ADAMTS12: variants seen among roughly 807,000 people sequenced by gnomAD.
The protein encoded by ADAMTS12 is ADAM metallopeptidase with thrombospondin type 1 motif 12.
In ADAMTS12, 118 loss-of-function variants were observed where a neutral mutation model predicts 167.8. That is an observed-to-expected ratio of 0.70 (90% CI 0.61 to 0.82). The LOEUF is 0.82. Ranked by LOEUF, ADAMTS12 falls within the 40% of genes least tolerant of loss-of-function variation. The pLI is 0.00. For missense variants in ADAMTS12, 1,916 were observed against 1,998.8 expected, an observed-to-expected ratio of 0.96 and a Z score of 0.79; for synonymous variants, 704 against 716.9, an observed-to-expected ratio of 0.98 and a Z score of 0.29.
chr5:33,759,133 T>A (rs1185419957), intron 2 of ADAMTS12, among the ~76,000 whole-genome samples: 1 of 152,220 alleles, frequency 6.6e-6, no homozygotes, highest in Admixed American at 6.5e-5. Flanking sequence ...CTCCAGCACA[T>A]CCCAGGCATC....
intron 20 of ADAMTS12, among the ~76,000 whole-genome samples, chr5:33,559,371 C>T (rs1745631134): frequency 2.0e-5 from 3 of 152,172 alleles, no homozygotes; most frequent in Admixed American, 1.3e-4. Flanking sequence ...TCAATCTCAC[C>T]ACTGACCAGT....
At chr5:33,579,184 C>A (rs911654651) in intron 18 of ADAMTS12, among the ~76,000 whole-genome samples, 1 of 152,200 alleles carries the variant, frequency 6.6e-6, no homozygotes, top group Non-Finnish European at 1.5e-5. Flanking sequence ...CTATTTTAGT[C>A]ACGCTGAGTC....
At chr5:33,573,466 C>A (rs1191186839) in intron 19 of ADAMTS12, among the ~76,000 whole-genome samples, 2 of 152,176 alleles carry the variant, frequency 1.3e-5, no homozygotes, top group Non-Finnish European at 2.9e-5. Context: ...ACTATCTGAT[C>A]TTTGACAAAC....
intron 2 of ADAMTS12, among the ~76,000 whole-genome samples, chr5:33,762,456 C>T (rs896970119): frequency 7.9e-5 from 12 of 151,532 alleles, no homozygotes; most frequent in Admixed American, 2.0e-4. Context: ...TGCAGTGAGC[C>T]GAGATCGTGC....
chr5:33,803,852 C>A lies in ADAMTS12; in HGVS notation c.490-52304G>T, dbSNP rs1398950379. Among the ~76,000 whole-genome samples the A allele has an allele frequency of 2.7e-4, 41 of 152,244 alleles. 1 individual carries two copies. On this transcript the variant is annotated intron_variant, in intron 2 of 23. Coordinates refer to ENST00000504830, the MANE Select transcript of ADAMTS12 (RefSeq NM_030955.4). ...GAACAGCATGGGAAAAACCTGCTCC[C>A]ATGATTCAATTACCTCCTATGGGAT...
chr5:33,578,803 T>C (rs1377728100), intron 18 of ADAMTS12, among the ~76,000 whole-genome samples: 2 of 152,224 alleles, frequency 1.3e-5, no homozygotes, highest in African/African-American at 4.8e-5. Flanking sequence ...AAGCAGATGC[T>C]GTGAGCACAG....
chr5:33,627,467 GTGT>G (rs1420148460), intron 13 of ADAMTS12, among the ~76,000 whole-genome samples: 1 of 150,544 alleles, frequency 6.6e-6, no homozygotes, highest in African/African-American at 2.5e-5. Flanking sequence ...AGCAGTGGTG[GTGT>G]TGGTGGTGGT....
intron 7 of ADAMTS12, among the ~76,000 whole-genome samples, chr5:33,652,828 G>A (rs1194653517): frequency 2.0e-5 from 3 of 152,016 alleles, no homozygotes; most frequent in Non-Finnish European, 2.9e-5. Context: ...ATTCTTCTGC[G>A]TGTGGCTATC....
chr5:33,545,940 A>G (rs984608153), intron 22 of ADAMTS12, 119 bp downstream of exon 22: 23 of 1,257,242 alleles, frequency 1.8e-5, no homozygotes, highest in Non-Finnish European at 2.2e-5. Flanking sequence ...CAGCAAACCA[A>G]CGTGGCACAT....
At position 33,730,705 on chromosome 5, in the gene ADAMTS12, T is replaced by G. The variant is rs548823771; in HGVS notation, c.634+20699A>C. 2.0e-5 allele frequency among the ~76,000 whole-genome samples: 3 copies of G among 152,342 alleles called. No homozygotes were observed. The Middle Eastern group carries it at 0.01, about 518-fold the overall frequency. On this transcript the variant is annotated intron_variant, in intron 3 of 23. Transcript: ENST00000504830. ...CCTTCACTTAGTTAGGATTGCTTCA[T>G]TGGAACCCTCGACTTTATCTACTGT...
At chr5:33,765,289 C>A (rs1745492030) in intron 2 of ADAMTS12, among the ~76,000 whole-genome samples, 1 of 152,176 alleles carries the variant, frequency 6.6e-6, no homozygotes, top group Non-Finnish European at 1.5e-5. Flanking sequence ...CATTCTCCTG[C>A]ATAACCACAG....
chr5:33,883,342 GT>G (rs796927926), intron 1 of ADAMTS12, among the ~76,000 whole-genome samples: 79 of 64,306 alleles, frequency 1.2e-3, no homozygotes, highest in East Asian at 5.5e-3. Flanking sequence ...TTTTTTTTTT[GT>G]TTTTTTTTTT....
chr5:33,708,568 C>A (rs1026395025), intron 3 of ADAMTS12, among the ~76,000 whole-genome samples: 4 of 152,010 alleles, frequency 2.6e-5, no homozygotes, highest in East Asian at 3.9e-4. Flanking sequence ...AATGATAAAC[C>A]GGATAAAGAA....
At chr5:33,879,240 C>T (rs1281676106) in intron 2 of ADAMTS12, among the ~76,000 whole-genome samples, 3 of 152,098 alleles carry the variant, frequency 2.0e-5, no homozygotes, top group Non-Finnish European at 4.4e-5. Flanking sequence ...GATTCTGACA[C>T]ACTAGGTCTG....
In ADAMTS12 at chr5:33,829,225, G is replaced by A. The variant is rs111871509; in HGVS notation, c.489+51894C>T. ...GAGCTGTGCTCCTCCCCAAGCTGGC[G>A]TTCCTGAATGTAACATGAAGGAAGA... On this transcript the variant is annotated intron_variant, in intron 2 of 23. Coordinates refer to ENST00000504830, the MANE Select transcript of ADAMTS12 (RefSeq NM_030955.4). 5.6e-3 allele frequency among the ~76,000 whole-genome samples: 855 copies of A among 152,180 alleles called. 3 individuals carry two copies. The highest frequency in any genetic ancestry group is 0.018 in the African/African-American group (738 of 41,526).
intron 6 of ADAMTS12, 60 bp from the exon 7 acceptor site, chr5:33,658,393 G>A: frequency 9.5e-6 from 15 of 1,585,358 alleles, no homozygotes; most frequent in East Asian, 2.3e-5. Flanking sequence ...AAACCTCCTG[G>A]AAAAAAATCT....
intron 11 of ADAMTS12, among the ~76,000 whole-genome samples, 199 bp from the exon 12 acceptor site, chr5:33,637,945 T>C (rs1740273544): frequency 6.6e-6 from 1 of 152,216 alleles, no homozygotes; most frequent in South Asian, 2.1e-4. Flanking sequence ...GTAGCTTATT[T>C]TGAAATAGTT....
At chr5:33,564,936 C>T (rs1561129165) in intron 19 of ADAMTS12, among the ~76,000 whole-genome samples, 1 of 152,124 alleles carries the variant, frequency 6.6e-6, no homozygotes, top group Non-Finnish European at 1.5e-5. Context: ...AAAACTATTA[C>T]AATTTTTTTC....
chr5:33,587,305 A>C (rs1029077417), intron 18 of ADAMTS12, among the ~76,000 whole-genome samples: 1 of 152,178 alleles, frequency 6.6e-6, no homozygotes, highest in Admixed American at 6.5e-5. Context: ...AATATTTTTT[A>C]AACACAAAGA....
Sources: allele counts gnomAD v4.1 joint callset (sites outside exome capture counted in the v4.1 genomes callset), GRCh38; gene constraint gnomAD v4.1.1; transcripts MANE v1.5; gene names NCBI Gene and HGNC (gene_info 2026-07-23, HGNC 2026-07-21).